Variants in ELMOD2 observed in about 807,000 individuals in gnomAD.
ELMOD2 encodes ELMO domain containing 2.
In ELMOD2, 28 loss-of-function variants were observed where a neutral mutation model predicts 41.0. That is an observed-to-expected ratio of 0.68 (90% CI 0.51 to 0.94). The LOEUF (loss-of-function observed/expected upper bound fraction) is 0.94, where lower values mean the gene tolerates loss of function less well. Among genes scored for constraint, ELMOD2 ranks in the 40% least tolerant of loss-of-function variants. The pLI is 0.00. For missense variants in ELMOD2, 333 were observed against 343.1 expected, an observed-to-expected ratio of 0.97 and a Z score of 0.23; for synonymous variants, 106 against 107.2, an observed-to-expected ratio of 0.99 and a Z score of 0.07.
intron 7 of ELMOD2, 40 bp from the exon 8 acceptor site, chr4:140,543,413 A>G: frequency 6.4e-7 from 1 of 1,563,726 alleles, no homozygotes; most frequent in Non-Finnish European, 8.6e-7. Flanking sequence ...TTTATGAGTT[A>G]TTTGGCTAGC....
rs1309638899 is a variant in ELMOD2, at chr4:140,552,580, T to C, written c.*2205T>C. On this transcript the variant is annotated 3_prime_UTR_variant, in exon 9 of 9. Transcript: ENST00000323570. ...ACAATGATATACATGAAAACAAAAA[T>C]ATAATTGTGTCTACCTTCCTACTTT... The C allele has an allele frequency of 2.0e-5, 3 of 152,046 alleles. No individual in the cohort carries two copies. Among genetic ancestry groups the C allele is most frequent in the Non-Finnish European group, 4.4e-5 (3 of 67,922 alleles). The allele number at this position is 152,046 out of a possible 1,614,324, so 9.4% of individuals were successfully genotyped here. A position where few individuals can be genotyped will look rare whatever the true frequency, so the allele number is the denominator to read the frequency against.
At chr4:140,529,222 A>T (rs1578756450) in intron 3 of ELMOD2, among the ~76,000 whole-genome samples, 1 of 152,192 alleles carries the variant, frequency 6.6e-6, no homozygotes, top group Admixed American at 6.5e-5. Context: ...AGGCACTAAT[A>T]GCATATTAGT....
intron 3 of ELMOD2, among the ~76,000 whole-genome samples, chr4:140,533,881 T>G (rs905570489): frequency 5.9e-5 from 9 of 152,020 alleles, no homozygotes; most frequent in Non-Finnish European, 1.0e-4. Flanking sequence ...GCATTATTAG[T>G]CATCAGGGAA....
rs1348839699 is a variant in ELMOD2 at position 140,535,785 on chromosome 4, A to G, written c.224A>G (p.Asp75Gly). Reference sequence around the variant, plus strand: ...CAGAGTGAAGTGGACAAATATGTAGATGATATTATGAAGGAAAAGAATATT... The same window carrying G: ...CAGAGTGAAGTGGACAAATATGTAGGTGATATTATGAAGGAAAAGAATATT... ...VVQSEVDKYV[D>G]DIMKEKNINP... Residue 75 changes from aspartate to glycine, a missense_variant, in exon 4 of 9, where the codon GAT becomes GGT. Transcript: ENST00000323570. The G allele has an allele frequency of 6.2e-7, 1 of 1,611,022 alleles. No homozygotes were observed. The highest frequency in any genetic ancestry group is 8.5e-7 in the Non-Finnish European group (1 of 1,179,226).
At chr4:140,542,766 G>A in intron 7 of ELMOD2, 124 bp downstream of exon 7, 1 of 697,752 alleles carries the variant, frequency 1.4e-6, no homozygotes, top group Non-Finnish European at 2.2e-6. Flanking sequence ...ACTTTTTAAA[G>A]GATATTACAT....
rs1373662540 is a variant in ELMOD2, at chr4:140,550,444, A to T, written c.*69A>T. 7.0e-6 allele frequency: 10 copies of T among 1,423,166 alleles called. No homozygotes were observed. In the East Asian group the frequency reaches 2.3e-4, roughly 33 times the overall value. The allele number at this position is 1,423,166 out of a possible 1,614,324, so 88.2% of individuals were successfully genotyped here. ...AACAGAATTTATATGTTGTAATAGG[A>T]ATTATCTGATCAATTACACTCTTAT... On this transcript the variant is annotated 3_prime_UTR_variant, in exon 9 of 9. Transcript: ENST00000323570.
Position 140,543,485 on chromosome 4 carries a change from C to G in ELMOD2, c.635C>G (p.Thr212Arg). 1 of 1,604,232 alleles carries G rather than the reference C, an allele frequency of 6.2e-7. No individual in the cohort carries two copies. Among genetic ancestry groups the G allele is most frequent in the South Asian group, 1.1e-5 (1 of 88,878 alleles). ...TATGCAATAGTTGGAATCAATCTTA[C>G]AGAGATGGCTTATAGCTTACTGAAG... The part of the protein sequence containing the change: ...YSYAIVGINL[T>R]EMAYSLLKSE... The change falls in exon 8 of 9, where the codon ACA (threonine) becomes AGA (arginine). Residue 212 changes from threonine (T) to arginine (R), a missense_variant. By Grantham distance (71) the Thr-to-Arg change is moderately conservative. Coordinates refer to ENST00000323570, the MANE Select transcript of ELMOD2 (RefSeq NM_153702.4).
At chr4:140,544,710 C>G (rs1735216623) in intron 8 of ELMOD2, among the ~76,000 whole-genome samples, 1 of 152,074 alleles carries the variant, frequency 6.6e-6, no homozygotes, top group Non-Finnish European at 1.5e-5. Context: ...TTTAGTTGCT[C>G]AAATATATTA....
chr4:140,540,726 G>A (rs1425851914), intron 6 of ELMOD2, among the ~76,000 whole-genome samples: 2 of 140,126 alleles, frequency 1.4e-5, no homozygotes, highest in Admixed American at 1.5e-4. Context: ...CTGGGTGACA[G>A]AGCAAGACCC....
chr4:140,532,560 CTG>C (rs1403582664), intron 3 of ELMOD2, among the ~76,000 whole-genome samples: 1 of 152,120 alleles, frequency 6.6e-6, no homozygotes, highest in Non-Finnish European at 1.5e-5. Context: ...TACTGAAAAA[CTG>C]TTTTGACAGA....
intron 5 of ELMOD2, among the ~76,000 whole-genome samples, chr4:140,539,657 C>G (rs1735045447): frequency 6.7e-6 from 1 of 148,564 alleles, no homozygotes; most frequent in African/African-American, 2.4e-5. Flanking sequence ...GATAGTTTTT[C>G]TTAAATCCTC....
chr4:140,543,597 A>C lies in ELMOD2; in HGVS notation c.736+11A>C. 1 of 1,566,510 alleles carries C rather than the reference A, an allele frequency of 6.4e-7. No homozygotes were observed. The highest frequency in any genetic ancestry group is 8.6e-7 in the Non-Finnish European group (1 of 1,162,630). On this transcript the variant is annotated intron_variant, in intron 8 of 8. Coordinates refer to ENST00000323570, the MANE Select transcript of ELMOD2 (RefSeq NM_153702.4). ...TTCATCAGTTTTACTGTGAGTATTA[A>C]AATGAGTTAAAACTAGATCTTTCTA...
chr4:140,528,138 T>C (rs1734629960), intron 3 of ELMOD2, among the ~76,000 whole-genome samples: 1 of 152,204 alleles, frequency 6.6e-6, no homozygotes, highest in East Asian at 1.9e-4. Flanking sequence ...TAAGTCTCTT[T>C]GTGTCATGTC....
rs1386736836 is a variant in ELMOD2 at position 140,552,218 on chromosome 4, A to G, written c.*1843A>G. The stretch of plus-strand genomic sequence containing the variant: ...TTCCAACAGCTGAGAGCTTGAACTG[A>G]TTTAAACATTTGTCAATATACTTAA... On this transcript the variant is annotated 3_prime_UTR_variant, in exon 9 of 9. Transcript: ENST00000323570. The G allele has an allele frequency of 2.0e-5, 3 of 152,038 alleles. No individual in the cohort carries two copies. Among genetic ancestry groups the G allele is most frequent in the Non-Finnish European group, 4.4e-5 (3 of 67,894 alleles). 9.4% of individuals were successfully genotyped at this position (152,038 alleles called of 1,614,324 possible).
intron 4 of ELMOD2, among the ~76,000 whole-genome samples, chr4:140,536,074 T>C (rs1437746826): frequency 6.6e-6 from 1 of 152,164 alleles, no homozygotes; most frequent in Non-Finnish European, 1.5e-5. Flanking sequence ...TTCTTCAAGA[T>C]GTCTTACCAT....
intron 3 of ELMOD2, among the ~76,000 whole-genome samples, chr4:140,531,446 A>G (rs1048314540): frequency 1.3e-5 from 2 of 152,264 alleles, no homozygotes; most frequent in Non-Finnish European, 2.9e-5. Flanking sequence ...CATGCAATAT[A>G]TGACAATGGA....
chr4:140,530,527 C>G (rs930629988), intron 3 of ELMOD2, among the ~76,000 whole-genome samples: 1 of 152,156 alleles, frequency 6.6e-6, no homozygotes, highest in Non-Finnish European at 1.5e-5. Flanking sequence ...TTTTTTACCT[C>G]TGTTTCTTGC....
intron 4 of ELMOD2, among the ~76,000 whole-genome samples, chr4:140,536,334 T>C (rs1734925482): frequency 6.6e-6 from 1 of 152,184 alleles, no homozygotes; most frequent in African/African-American, 2.4e-5. Context: ...CGCTGGTATG[T>C]TGACATAGTA....
intron 8 of ELMOD2, among the ~76,000 whole-genome samples, chr4:140,547,186 A>G (rs1157057857): frequency 1.3e-5 from 2 of 152,196 alleles, no homozygotes; most frequent in Non-Finnish European, 1.5e-5. Flanking sequence ...TTCCAAGGTC[A>G]TAGTTTCTCT....
Sources: gnomAD v4.1 joint callset for allele counts (sites outside exome capture counted in the v4.1 genomes callset) on GRCh38, gnomAD v4.1.1 for gene constraint, MANE v1.5 for transcripts, NCBI Gene and HGNC (gene_info 2026-07-23, HGNC 2026-07-21) for gene names.